The following ATG13 variants were observed in gnomAD, a reference collection of about 807,000 sequenced individuals.
ATG13 encodes autophagy related 13.
Under a neutral mutation model 65.5 loss-of-function variants are expected in ATG13, and 23 were observed. That is an observed-to-expected ratio of 0.35 (90% CI 0.25 to 0.50). ATG13 has a LOEUF of 0.50. Among genes scored for constraint, ATG13 ranks in the 20% least tolerant of loss-of-function variants. The pLI is 0.98. For synonymous variants in ATG13, 252 were observed against 245.2 expected (o/e 1.03, Z -0.26); for missense variants, 566 against 677.0 (o/e 0.84, Z 1.82).
At chr11:46,618,499 C>T (rs2046096390) in intron 1 of ATG13, 1 of 152,192 alleles carries the variant, frequency 6.6e-6, no homozygotes, top group Admixed American at 6.5e-5. Flanking sequence ...TCTTCGTTCT[C>T]TGGCCACCCC....
chr11:46,665,887 C>T (rs994574158), intron 14 of ATG13, among the ~76,000 whole-genome samples: 1 of 145,646 alleles, frequency 6.9e-6, no homozygotes, highest in African/African-American at 2.6e-5. Context: ...TTATTGCAAC[C>T]TCCACCTCCT....
At chr11:46,643,809 T>C (rs955448059) in intron 2 of ATG13, among the ~76,000 whole-genome samples, 1 of 152,196 alleles carries the variant, frequency 6.6e-6, no homozygotes, top group African/African-American at 2.4e-5. Flanking sequence ...CATGAAATTA[T>C]ATGCAAACAT....
rs776788831 is a variant in ATG13, at chr11:46,668,826, T to G, written c.1362T>G (p.Ser454=). The G allele has an allele frequency of 1.2e-6, 2 of 1,613,774 alleles. No individual in the cohort carries two copies. The highest frequency in any genetic ancestry group is 1.3e-5 in the African/African-American group (1 of 74,908). Residue 454 remains serine (S), a synonymous_variant, in exon 17 of 19, where the codon TCT becomes TCG. Transcript: ENST00000683050. ...VNPPDSPETE[S]PLQGSLHSDG... is the part of the protein sequence containing the mutation. ...CTCCAGATTCCCCAGAGACTGAATC[T>G]CCTCTCCAGGGCAGCCTGCACTCAG...
chr11:46,626,855 C>A (rs2135785217), intron 1 of ATG13, among the ~76,000 whole-genome samples: 1 of 152,296 alleles, frequency 6.6e-6, no homozygotes, highest in East Asian at 1.9e-4. Context: ...GCACAGCTCC[C>A]TTTGAAACCA....
intron 3 of ATG13, among the ~76,000 whole-genome samples, chr11:46,644,675 A>G (rs2057072295): frequency 6.6e-6 from 1 of 152,154 alleles, no homozygotes; most frequent in Non-Finnish European, 1.5e-5. Flanking sequence ...GTGGGAACAA[A>G]GACCATCAGC....
chr11:46,619,455 GC>G (rs1591334006), intron 1 of ATG13, among the ~76,000 whole-genome samples: 1 of 143,534 alleles, frequency 7.0e-6, no homozygotes, highest in African/African-American at 2.6e-5. Flanking sequence ...CGGGAACTCG[GC>G]CCACTGCAAC....
At chr11:46,618,232 G>T (rs2045986527) in intron 1 of ATG13, 1 of 219,056 alleles carries the variant, frequency 4.6e-6, no homozygotes, top group African/African-American at 2.3e-5. Flanking sequence ...AAGATTTGCT[G>T]AGTGCCAAAT....
chr11:46,618,297 T>C (rs1025979196), intron 1 of ATG13: 1 of 158,372 alleles, frequency 6.3e-6, no homozygotes, highest in African/African-American at 2.4e-5. Context: ...AAGGGACCCA[T>C]GGTTCACGAC....
intron 2 of ATG13, among the ~76,000 whole-genome samples, chr11:46,636,426 C>T (rs181680742): frequency 3.3e-4 from 50 of 152,072 alleles, no homozygotes; most frequent in African/African-American, 1.1e-3. Flanking sequence ...GGCATGGTGG[C>T]AAGCACCTGT....
intron 1 of ATG13, among the ~76,000 whole-genome samples, chr11:46,627,026 G>A (rs190764566): frequency 4.7e-4 from 72 of 152,306 alleles, no homozygotes; most frequent in African/African-American, 1.7e-3. Flanking sequence ...GATCACTTGA[G>A]GCCAGGAGTT....
chr11:46,662,928 C>T (rs1422719507), intron 11 of ATG13, among the ~76,000 whole-genome samples: 2 of 152,112 alleles, frequency 1.3e-5, no homozygotes, highest in African/African-American at 4.8e-5. Context: ...GGCCTAAGGT[C>T]CTGCCTCTAG....
chr11:46,636,557 C>CAAAA (rs374517009), intron 2 of ATG13, among the ~76,000 whole-genome samples: 6 of 47,230 alleles, frequency 1.3e-4, no homozygotes, highest in Non-Finnish European at 1.7e-4. Context: ...GACTCCGTCT[C>CAAAA]AAAAAAAAAA....
Position 46,672,779 on chromosome 11 carries a change from G to A in ATG13, c.*447G>A, listed in dbSNP as rs2064047113. 7.4e-7 allele frequency: 1 copy of A among 1,347,426 alleles called. No individual in the cohort carries two copies. The highest frequency in any genetic ancestry group is 1.9e-5 in the Admixed American group (1 of 51,546). The allele number at this position is 1,347,426 out of a possible 1,614,324, so 83.5% of individuals were successfully genotyped here. A position where few individuals can be genotyped will look rare whatever the true frequency, so the allele number is the denominator to read the frequency against. On this transcript the variant is annotated 3_prime_UTR_variant, in exon 19 of 19. Coordinates refer to ENST00000683050, the MANE Select transcript of ATG13 (RefSeq NM_001346311.2). The stretch of plus-strand genomic sequence containing the variant: ...TGGTGTGGAGTCGCAGAAAGAGGAA[G>A]GAGACAGTGCCAGGAGGAAGAAGGA...
chr11:46,645,524 A>AT, intron 4 of ATG13, 105 bp downstream of exon 4: 1 of 951,470 alleles, frequency 1.1e-6, no homozygotes, highest in Non-Finnish European at 1.6e-6. Context: ...AGTATTATAA[A>AT]AGTAAAATAT....
intron 18 of ATG13, among the ~76,000 whole-genome samples, chr11:46,671,566 T>A (rs943953750): frequency 5.9e-5 from 9 of 152,090 alleles, no homozygotes; most frequent in African/African-American, 1.9e-4. Context: ...TGAAACCCTG[T>A]CTCTACTAAA....
At position 46,617,599 on chromosome 11, in the gene ATG13, C is replaced by T. The variant is rs1254993022; in HGVS notation, c.-361C>T. 4 of 261,650 alleles carry T rather than the reference C, an allele frequency of 1.5e-5. No homozygotes were observed. Among genetic ancestry groups the T allele is most frequent in the Non-Finnish European group, 2.8e-5 (4 of 142,420 alleles). The allele number at this position is 261,650 out of a possible 1,614,324, so 16.2% of individuals were successfully genotyped here. A position where few individuals can be genotyped will look rare whatever the true frequency, so the allele number is the denominator to read the frequency against. ...AAACAAACACTAACGATGGCGGCGC[C>T]GGGAAGCGACCGGCTGCTGGGCTTA... On this transcript the variant is annotated 5_prime_UTR_variant, in exon 1 of 19. Coordinates refer to ENST00000683050, the MANE Select transcript of ATG13 (RefSeq NM_001346311.2).
chr11:46,622,164 CTG>C (rs1198625156), intron 1 of ATG13, among the ~76,000 whole-genome samples: 2 of 142,490 alleles, frequency 1.4e-5, no homozygotes, highest in East Asian at 4.2e-4. Flanking sequence ...GTTTCCCAGA[CTG>C]GAGTGCGGTG....
intron 2 of ATG13, among the ~76,000 whole-genome samples, chr11:46,634,135 C>T (rs1034396452): frequency 1.3e-5 from 2 of 151,446 alleles, no homozygotes; most frequent in South Asian, 2.1e-4. Context: ...CTTGCTCTAT[C>T]GCCAGGCTAG....
At chr11:46,654,094 C>G (rs2059500441) in intron 7 of ATG13, among the ~76,000 whole-genome samples, 2 of 149,078 alleles carry the variant, frequency 1.3e-5, no homozygotes, top group South Asian at 4.2e-4. Context: ...GTTCATTATT[C>G]CACGGTGGAA....
Sources: allele counts gnomAD v4.1 joint callset (sites outside exome capture counted in the v4.1 genomes callset), GRCh38; gene constraint gnomAD v4.1.1; transcripts MANE v1.5; gene names NCBI Gene and HGNC (gene_info 2026-07-23, HGNC 2026-07-21).